PHTF2: variants seen among roughly 807,000 people sequenced by gnomAD.
The protein encoded by PHTF2 is putative homeodomain transcription factor 2.
Under a neutral mutation model 101.2 loss-of-function variants are expected in PHTF2, and 60 were observed. That is an observed-to-expected ratio of 0.59 (90% confidence interval 0.48 to 0.73). The LOEUF (loss-of-function observed/expected upper bound fraction) is 0.73. PHTF2 is among the 30% of genes least tolerant of loss of function. The probability of loss-of-function intolerance (pLI) is 0.00; values close to 1 mark genes in which losing one functional copy is unlikely to be tolerated. For missense variants in PHTF2, 747 were observed against 908.7 expected (o/e 0.82, Z 2.29); for synonymous variants, 311 against 307.3 (o/e 1.01, Z -0.13).
At chr7:77,872,498 G>T (rs1379535312) in intron 3 of PHTF2, among the ~76,000 whole-genome samples, 1 of 152,192 alleles carries the variant, frequency 6.6e-6, no homozygotes, top group Non-Finnish European at 1.5e-5. Flanking sequence ...TATTCTGATT[G>T]CCGCTTTGCC....
chr7:77,888,065 C>CTA (rs1800026330), intron 3 of PHTF2, among the ~76,000 whole-genome samples: 1 of 152,140 alleles, frequency 6.6e-6, no homozygotes, highest in Non-Finnish European at 1.5e-5. Flanking sequence ...ATATCTCTCT[C>CTA]TGTGTATCTA....
Position 77,900,700 on chromosome 7 carries a change from A to G in PHTF2, c.217-11A>G, listed in dbSNP as rs1249344350. 4 of 1,368,518 alleles carry G rather than the reference A, an allele frequency of 2.9e-6. No individual in the cohort carries two copies. The highest frequency in any genetic ancestry group is 3.1e-6 in the Non-Finnish European group (3 of 956,822). 84.8% of individuals were successfully genotyped at this position (1,368,518 alleles called of 1,614,324 possible). A position where few individuals can be genotyped will look rare whatever the true frequency, so the allele number is the denominator to read the frequency against. ...ATATACAATTCCAATGCTTCTTTTGATATATTATAGGGGCTAAGGAATAAA... is the reference window on the plus strand; with the variant it reads ...ATATACAATTCCAATGCTTCTTTTGGTATATTATAGGGGCTAAGGAATAAA... On this transcript the variant is annotated splice_polypyrimidine_tract_variant and intron_variant, in intron 5 of 19. Transcript: ENST00000416283.
intron 1 of PHTF2, among the ~76,000 whole-genome samples, chr7:77,806,532 C>CT (rs1447761173): frequency 6.6e-6 from 1 of 151,824 alleles, no homozygotes; most frequent in Non-Finnish European, 1.5e-5. Context: ...TACTTTCTAC[C>CT]TTTTTATGTT....
intron 2 of PHTF2, among the ~76,000 whole-genome samples, chr7:77,842,727 G>C (rs1584463077): frequency 6.6e-6 from 1 of 152,136 alleles, no homozygotes; most frequent in East Asian, 1.9e-4. Flanking sequence ...TTATGGGTGG[G>C]AGTCAGAGAT....
intron 11 of PHTF2, among the ~76,000 whole-genome samples, chr7:77,926,892 T>G (rs921648752): frequency 6.6e-6 from 1 of 151,854 alleles, no homozygotes; most frequent in Non-Finnish European, 1.5e-5. Context: ...GGGCCATGGC[T>G]CACCCCTGTA....
chr7:77,815,099 A>G (rs555394662), intron 1 of PHTF2, among the ~76,000 whole-genome samples: 1 of 152,158 alleles, frequency 6.6e-6, no homozygotes, highest in African/African-American at 2.4e-5. Flanking sequence ...ATAAAACAGC[A>G]AAATCCCAAC....
At position 77,893,672 on chromosome 7, in the gene PHTF2, G is replaced by A. The variant is rs1239151380; in HGVS notation, c.204+8G>A. On this transcript the variant is annotated splice_region_variant and intron_variant, in intron 4 of 19. Transcript: ENST00000416283. ...GAACAGAGAGAAATCAAGGTAAGGA[G>A]TTTATTTCATTTTGTTTATTTTGAA... The A allele has an allele frequency of 1.6e-6, 2 of 1,224,890 alleles. No individual in the cohort carries two copies. Among genetic ancestry groups the A allele is most frequent in the Non-Finnish European group, 2.4e-6 (2 of 846,260 alleles). 75.9% of individuals were successfully genotyped at this position (1,224,890 alleles called of 1,614,324 possible). A position where few individuals can be genotyped will look rare whatever the true frequency, so the allele number is the denominator to read the frequency against.
At chr7:77,880,333 T>C (rs1799303388) in intron 3 of PHTF2, among the ~76,000 whole-genome samples, 1 of 152,158 alleles carries the variant, frequency 6.6e-6, no homozygotes, top group Admixed American at 6.5e-5. Context: ...ACTCAGTAAA[T>C]AGGAACATTT....
At chr7:77,854,558 T>A (rs529338898) in intron 2 of PHTF2, among the ~76,000 whole-genome samples, 1 of 151,750 alleles carries the variant, frequency 6.6e-6, no homozygotes, top group Admixed American at 6.6e-5. Flanking sequence ...CCTGCCCTAC[T>A]CCCCGTACCC....
chr7:77,821,820 G>A (rs746646298), intron 1 of PHTF2, among the ~76,000 whole-genome samples: 2 of 152,150 alleles, frequency 1.3e-5, no homozygotes, highest in African/African-American at 2.4e-5. Flanking sequence ...TGATATGTTT[G>A]CTAGAGGTGG....
At chr7:77,857,228 A>G (rs1010993606) in intron 3 of PHTF2, among the ~76,000 whole-genome samples, 1 of 152,226 alleles carries the variant, frequency 6.6e-6, no homozygotes, top group East Asian at 1.9e-4. Flanking sequence ...AACAAGGATG[A>G]AAGTCTGGAG....
At chr7:77,939,993 A>C in intron 13 of PHTF2, 37 bp from the exon 13 acceptor site, 1 of 1,482,800 alleles carries the variant, frequency 6.7e-7, no homozygotes, top group Non-Finnish European at 9.2e-7. Context: ...GTATAATTTT[A>C]TTTTTCTTTT....
intron 16 of PHTF2, among the ~76,000 whole-genome samples, chr7:77,949,336 A>G (rs1054012318): frequency 6.6e-6 from 1 of 152,128 alleles, no homozygotes; most frequent in Non-Finnish European, 1.5e-5. Context: ...TATAAAAACC[A>G]TTATGGAAAA....
intron 5 of PHTF2, among the ~76,000 whole-genome samples, chr7:77,897,293 A>AT (rs10687152): frequency 0.75 from 100,146 of 133,634 alleles, 38,050 homozygotes; most frequent in Non-Finnish European, 0.82. Context: ...AGCCCATTTC[A>AT]TTTTTTTTTT....
At chr7:77,818,310 A>G (rs767135460) in intron 1 of PHTF2, among the ~76,000 whole-genome samples, 67 of 152,214 alleles carry the variant, frequency 4.4e-4, no homozygotes, top group Middle Eastern at 6.8e-3. Flanking sequence ...GTTTTTGAGG[A>G]CTTATTCATA....
chr7:77,897,945 G>A (rs1801023535), intron 5 of PHTF2, among the ~76,000 whole-genome samples: 1 of 149,884 alleles, frequency 6.7e-6, no homozygotes, highest in African/African-American at 2.5e-5. Flanking sequence ...GCCTCTCAAA[G>A]TGCTGAGATT....
chr7:77,937,692 T>A lies in PHTF2; in HGVS notation c.1339-18T>A, dbSNP rs1805269811. On this transcript the variant is annotated intron_variant, in intron 12 of 19. Coordinates refer to ENST00000416283, the Ensembl canonical transcript of PHTF2. ...TAAATGTGATCTATATATTTACTAA[T>A]TTTTTTTTTTTTTATAGAGTCATTT... is the stretch of plus-strand genomic sequence containing the variant. 7 of 374,326 alleles carry A rather than the reference T, an allele frequency of 1.9e-5. No homozygotes were observed. The highest frequency in any genetic ancestry group is 7.1e-5 in the South Asian group (1 of 13,996). 23.2% of individuals were successfully genotyped at this position (374,326 alleles called of 1,614,324 possible). A position where few individuals can be genotyped will look rare whatever the true frequency, so the allele number is the denominator to read the frequency against.
intron 12 of PHTF2, among the ~76,000 whole-genome samples, chr7:77,932,621 A>AGAGAGTGTGTGT (rs759880633): frequency 3.5e-4 from 42 of 118,558 alleles, no homozygotes; most frequent in African/African-American, 1.4e-3. Flanking sequence ...AGAGAGAGAG[A>AGAGAGTGTGTGT]GTGTGTGTGT....
chr7:77,907,835 T>C (rs1802010197), intron 7 of PHTF2: 1 of 152,224 alleles, frequency 6.6e-6, no homozygotes, highest in Non-Finnish European at 1.5e-5. Flanking sequence ...AATCTTATAA[T>C]ATTTACATTT....
Sources: gnomAD v4.1 joint callset for allele counts (sites outside exome capture counted in the v4.1 genomes callset) on GRCh38, gnomAD v4.1.1 for gene constraint, MANE v1.5 for transcripts, NCBI Gene and HGNC (gene_info 2026-07-23, HGNC 2026-07-21) for gene names.